TP53BP1: variants seen among roughly 807,000 people sequenced by gnomAD.
TP53BP1 encodes the protein tumor protein p53 binding protein 1.
TP53BP1 carries 61 observed loss-of-function variants against 200.8 expected under a neutral mutation model. That is an observed-to-expected ratio of 0.30 (90% CI 0.25 to 0.38). TP53BP1 has a LOEUF of 0.38. TP53BP1 is among the 10% of genes least tolerant of loss of function. The probability of loss-of-function intolerance (pLI) is 1.00; values close to 1 mark genes in which losing one functional copy is unlikely to be tolerated. For missense variants in TP53BP1, 2,144 were observed against 2,371.9 expected, an observed-to-expected ratio of 0.90 and a Z score of 2.00; for synonymous variants, 822 against 844.3, an observed-to-expected ratio of 0.97 and a Z score of 0.46.
Position 43,413,283 on chromosome 15 carries a change from G to A in TP53BP1, c.5141C>T (p.Thr1714Ile), listed in dbSNP as rs1447223433. The part of the protein sequence containing the change: ...FVSPCESGDN[T>I]GEPSALEEQR... ...CTCTTCCAGGGCAGAGGGTTCACCG[G>A]TGTTGTCTCCACTCTCACAGGGGCT... The change falls in exon 24 of 28, where the codon ACC (threonine) becomes ATC (isoleucine). Residue 1714 changes from threonine to isoleucine, a missense_variant. Thr to Ile is a moderately conservative substitution (Grantham distance 89). This residue lies in a region of TP53BP1 where 334 missense variants were observed against 453.4 expected (regional missense o/e 0.74). Coordinates refer to ENST00000382044, the MANE Select transcript of TP53BP1 (RefSeq NM_001141980.3). The A allele has an allele frequency of 2.5e-6, 4 of 1,614,174 alleles. No individual in the cohort carries two copies. Among genetic ancestry groups the A allele is most frequent in the Admixed American group, 1.7e-5 (1 of 60,020 alleles).
intron 10 of TP53BP1, among the ~76,000 whole-genome samples, chr15:43,470,853 CT>C (rs2046708232): frequency 6.6e-6 from 1 of 152,176 alleles, no homozygotes; most frequent in Non-Finnish European, 1.5e-5. Context: ...CAACATTTAC[CT>C]TTTCCCCATA....
At position 43,481,542 on chromosome 15, in the gene TP53BP1, C is replaced by T. The variant is rs564707078; in HGVS notation, c.372-520G>A. On this transcript the variant is annotated intron_variant, in intron 4 of 27. Transcript: ENST00000382044. The stretch of plus-strand genomic sequence containing the variant: ...TTTAAGAGACAGAGTCTGGGCCGGG[C>T]ACAGTGGCTCACACCTGTAATCCCA... Among the ~76,000 whole-genome samples, 4 of 151,502 alleles carry T rather than the reference C, an allele frequency of 2.6e-5. No individual in the cohort carries two copies. The East Asian group carries it at 7.7e-4, about 29-fold the overall frequency.
In TP53BP1 at chr15:43,431,612, C is replaced by A. The variant is rs184104974; in HGVS notation, c.3675+582G>T. On this transcript the variant is annotated intron_variant, in intron 17 of 27. Coordinates refer to ENST00000382044, the MANE Select transcript of TP53BP1 (RefSeq NM_001141980.3). ...TCCCTGGAACCTGATACTCCTCCAG[C>A]CTCGTTTTCATCAGCCCCAATCCTT... Among the ~76,000 whole-genome samples, 7 of 152,294 alleles carry A rather than the reference C, an allele frequency of 4.6e-5. No homozygotes were observed. The East Asian group carries it at 1.4e-3, about 29-fold the overall frequency.
At chr15:43,450,127 A>G (rs1277508118) in intron 12 of TP53BP1, among the ~76,000 whole-genome samples, 1 of 152,234 alleles carries the variant, frequency 6.6e-6, no homozygotes, top group African/African-American at 2.4e-5. Context: ...ATACCAAACA[A>G]TAATGAAGGA....
chr15:43,446,535 G>A lies in TP53BP1; in HGVS notation c.2892C>T (p.Ser964=), dbSNP rs774653679. 4 of 1,614,018 alleles carry A rather than the reference G, an allele frequency of 2.5e-6. No homozygotes were observed. In the Admixed American group the frequency reaches 6.7e-5, roughly 27 times the overall value. ...TIATSDVMSE[S]MVETHDPILG... The stretch of plus-strand genomic sequence containing the variant: ...GTATGGGATCATGGGTCTCCACCAT[G>A]CTTTCAGACATGACATCACTGGTTG... The change falls in exon 14 of 28, where the codon AGC becomes AGT. Residue 964 remains serine (S), a synonymous_variant. Coordinates refer to ENST00000382044, the MANE Select transcript of TP53BP1 (RefSeq NM_001141980.3).
At chr15:43,464,050 C>A (rs1035961520) in intron 11 of TP53BP1, among the ~76,000 whole-genome samples, 2 of 152,100 alleles carry the variant, frequency 1.3e-5, no homozygotes, top group African/African-American at 2.4e-5. Flanking sequence ...TATGGGACTC[C>A]CAATAAAATG....
chr15:43,456,378 C>T lies in TP53BP1; in HGVS notation c.2230G>A (p.Glu744Lys). 1 of 1,607,138 alleles carries T rather than the reference C, an allele frequency of 6.2e-7. No individual in the cohort carries two copies. The change falls in exon 12 of 28, where the codon GAA becomes AAA. Residue 744 changes from glutamate (E) to lysine (K), a missense_variant. This residue lies in a region of TP53BP1 where 1,700 missense variants were observed against 1,710.3 expected (regional missense o/e 0.99). Coordinates refer to ENST00000382044, the MANE Select transcript of TP53BP1 (RefSeq NM_001141980.3). ...QKLAILDQEL[E>K]HKEQEAWEEA... ...TCCCAAGCTTCCTGTTCCTTATGTT[C>T]CAATTCTTGGTCAAGTATTGCCAAC... is the stretch of plus-strand genomic sequence containing the variant.
At chr15:43,440,528 A>G (rs371509265) in intron 15 of TP53BP1, among the ~76,000 whole-genome samples, 2 of 149,708 alleles carry the variant, frequency 1.3e-5, no homozygotes, top group African/African-American at 4.9e-5. Flanking sequence ...AAAAAAAACA[A>G]AAAAAAAACA....
intron 10 of TP53BP1, among the ~76,000 whole-genome samples, chr15:43,473,119 C>G (rs1161938171): frequency 6.6e-6 from 1 of 152,060 alleles, no homozygotes; most frequent in African/African-American, 2.4e-5. Flanking sequence ...GTCTCGCTGG[C>G]TTTAGGAGTG....
Position 43,446,494 on chromosome 15 carries a change from C to A in TP53BP1, c.2933G>T (p.Gly978Val). 6.2e-7 allele frequency: 1 copy of A among 1,614,160 alleles called. No homozygotes were observed. Among genetic ancestry groups the A allele is most frequent in the Middle Eastern group, 1.6e-4 (1 of 6,062 alleles). Residue 978 changes from glycine to valine, a missense_variant, in exon 14 of 28, where the codon GGG (glycine) becomes GTG (valine). By Grantham distance (109) the Gly-to-Val change is moderately radical. This residue lies in a region of TP53BP1 where 1,700 missense variants were observed against 1,710.3 expected (regional missense o/e 0.99). Transcript: ENST00000382044. ...THDPILGSGKGDSGAAPDVDD... is the reference protein window; with the variant it reads ...THDPILGSGKVDSGAAPDVDD... ...CACGTCTGGGGCAGCCCCAGAATCC[C>A]CTTTTCCACTCCCAAGTATGGGATC...
chr15:43,481,308 C>T (rs2078961405), intron 4 of TP53BP1, among the ~76,000 whole-genome samples: 1 of 151,880 alleles, frequency 6.6e-6, no homozygotes, highest in Non-Finnish European at 1.5e-5. Flanking sequence ...TGACAAGTGA[C>T]AAGAGAAGAT....
chr15:43,491,775 T>C (rs952992106), intron 3 of TP53BP1, 22 bp from the exon 4 acceptor site: 2 of 1,586,434 alleles, frequency 1.3e-6, no homozygotes, highest in Non-Finnish European at 1.7e-6. Context: ...AACTGGATAT[T>C]AGCATGAAAG....
chr15:43,414,766 C>T (rs888738340), intron 23 of TP53BP1, among the ~76,000 whole-genome samples: 5 of 151,460 alleles, frequency 3.3e-5, no homozygotes, highest in South Asian at 2.1e-4. Flanking sequence ...AGTGCCGTGG[C>T]GTGATCTCGG....
chr15:43,480,988 C>T lies in TP53BP1; in HGVS notation c.406G>A (p.Val136Met). 1 of 1,614,080 alleles carries T rather than the reference C, an allele frequency of 6.2e-7. No individual in the cohort carries two copies. Among genetic ancestry groups the T allele is most frequent in the Non-Finnish European group, 8.5e-7 (1 of 1,179,962 alleles). The change falls in exon 5 of 28, where the codon GTG (valine) becomes ATG (methionine). Residue 136 changes from valine to methionine, a missense_variant. This residue lies in a region of TP53BP1 where 1,700 missense variants were observed against 1,710.3 expected (regional missense o/e 0.99). Coordinates refer to ENST00000382044, the MANE Select transcript of TP53BP1 (RefSeq NM_001141980.3). ...LGMSVESAPAVEEEKGEELEQ... is the reference protein window; with the variant it reads ...LGMSVESAPAMEEEKGEELEQ... ...AACTCTTCTCCCTTCTCTTCCTCCA[C>T]AGCAGGAGCAGATTCCACTGACATT...
chr15:43,497,235 A>C (rs931137936), upstream of TP53BP1, among the ~76,000 whole-genome samples: 2 of 152,148 alleles, frequency 1.3e-5, no homozygotes, highest in African/African-American at 4.8e-5. Flanking sequence ...CTCTATTAAA[A>C]ATACAATGGT....
At chr15:43,474,811 A>G (rs753010338) in intron 9 of TP53BP1, 44 bp from the exon 10 acceptor site, 12 of 1,392,644 alleles carry the variant, frequency 8.6e-6, no homozygotes, top group Admixed American at 1.8e-5. Flanking sequence ...CCATAGCCAC[A>G]GTTTTGCATT....
chr15:43,410,750 T>G (rs16957709), intron 24 of TP53BP1, among the ~76,000 whole-genome samples: 524 of 152,304 alleles, frequency 3.4e-3, no homozygotes, highest in Non-Finnish European at 5.1e-3. Context: ...AGATCCCTTA[T>G]GACGGCTCCC....
intron 4 of TP53BP1, among the ~76,000 whole-genome samples, chr15:43,482,616 A>C (rs1247253889): frequency 6.6e-6 from 1 of 152,086 alleles, no homozygotes; most frequent in Non-Finnish European, 1.5e-5. Context: ...AAAATACAAA[A>C]AATTAGCCGG....
rs1330341955 is a variant in TP53BP1, at chr15:43,493,149, G to A, written c.-106C>T. 1 of 1,566,658 alleles carries A rather than the reference G, an allele frequency of 6.4e-7. No homozygotes were observed. ...GCTGTCGCCACCGCCGCCACCGGCC[G>A]CGAACTCCCCCTTTCCCGTCACGTC... On this transcript the variant is annotated 5_prime_UTR_variant, in exon 1 of 28. Transcript: ENST00000382044.
Sources: allele counts gnomAD v4.1 joint callset (sites outside exome capture counted in the v4.1 genomes callset), GRCh38; gene constraint gnomAD v4.1.1; regional missense constraint gnomAD v4.1.1; transcripts MANE v1.5; gene names NCBI Gene and HGNC (gene_info 2026-07-23, HGNC 2026-07-21).